PMP22: variants seen among roughly 807,000 people sequenced by gnomAD.
The protein encoded by PMP22 is peripheral myelin protein 22.
PMP22 carries 2 observed loss-of-function variants against 18.9 expected under a neutral mutation model. The observed-to-expected ratio is 0.11, with a 90% CI of 0.04 to 0.33. The LOEUF is 0.33. Among genes scored for constraint, PMP22 ranks in the 10% least tolerant of loss-of-function variants. The probability of loss-of-function intolerance (pLI) is 1.00; values close to 1 mark genes in which losing one functional copy is unlikely to be tolerated. For missense variants in PMP22, 169 were observed against 202.2 expected (o/e 0.84, Z 1.00); for synonymous variants, 95 against 89.2 (o/e 1.07, Z -0.37).
intron 1 of PMP22, among the ~76,000 whole-genome samples, chr17:15,262,750 C>A (rs1909447578): frequency 6.6e-6 from 1 of 152,210 alleles, no homozygotes; most frequent in South Asian, 2.1e-4. Flanking sequence ...AAAACCGCGG[C>A]GACTTTTACT....
chr17:15,230,717 A>C lies in PMP22; in HGVS notation c.*200T>G, dbSNP rs142106420. The C allele has an allele frequency of 8.9e-4, 537 of 604,210 alleles. 4 individuals are homozygous for C. The highest frequency in any genetic ancestry group is 2.6e-3 in the South Asian group (133 of 50,948). The allele number at this position is 604,210 out of a possible 1,614,324, so 37.4% of individuals were successfully genotyped here. On this transcript the variant is annotated 3_prime_UTR_variant, in exon 5 of 5. Coordinates refer to ENST00000312280, the MANE Select transcript of PMP22 (RefSeq NM_000304.4). ...ACAATACTATGTACATATATGTAAA[A>C]AGTGTTATAAATAGGTTTTATAAAC...
At chr17:15,260,445 C>G in intron 2 of PMP22, 1 of 634,118 alleles carries the variant, frequency 1.6e-6, no homozygotes, top group Non-Finnish European at 2.9e-6. Flanking sequence ...TAACCCAGCC[C>G]AGCGCTCGCT....
intron 3 of PMP22, among the ~76,000 whole-genome samples, chr17:15,243,275 T>C (rs1907508230): frequency 6.6e-6 from 1 of 152,104 alleles, no homozygotes; most frequent in East Asian, 1.9e-4. Context: ...TTTATTCAAG[T>C]ACATAAAAGA....
intron 4 of PMP22, among the ~76,000 whole-genome samples, chr17:15,233,509 T>G (rs1423173053): frequency 6.6e-6 from 1 of 151,944 alleles, no homozygotes; most frequent in Non-Finnish European, 1.5e-5. Flanking sequence ...TGCAACCCCA[T>G]GAGAGTGATT....
At position 15,240,904 on chromosome 17, in the gene PMP22, T is replaced by C. The variant is rs112624331; in HGVS notation, c.179-1293A>G. 3.8e-3 allele frequency among the ~76,000 whole-genome samples: 572 copies of C among 152,316 alleles called. 6 individuals are homozygous for C. The highest frequency in any genetic ancestry group is 0.013 in the African/African-American group (550 of 41,574). On this transcript the variant is annotated intron_variant, in intron 3 of 4. Transcript: ENST00000312280. ...AATTAGTAACTGAGTAAGATAAACT[T>C]GTTTTGAGTTGTAAGCAGCTCATGG...
rs765235223 is a variant in PMP22 at position 15,259,168 on chromosome 17, G to C, written c.104C>G (p.Ala35Gly). The C allele has an allele frequency of 6.2e-7, 1 of 1,613,656 alleles. No homozygotes were observed. The highest frequency in any genetic ancestry group is 1.1e-5 in the South Asian group (1 of 91,072). ...VSQWIVGNGHATDLWQNCSTS... is the reference protein window; with the variant it reads ...VSQWIVGNGHGTDLWQNCSTS... ...GCTACAGTTCTGCCAGAGATCAGTT[G>C]CGTGTCCATTGCCCACGATCCATTG... is the stretch of plus-strand genomic sequence containing the variant. Residue 35 changes from alanine (A) to glycine (G), a missense_variant, in exon 3 of 5, where the codon GCA (alanine) becomes GGA (glycine). By Grantham distance (60) the Ala-to-Gly change is moderately conservative (BLOSUM62 0). Coordinates refer to ENST00000312280, the MANE Select transcript of PMP22 (RefSeq NM_000304.4).
chr17:15,260,250 A>G (rs1567718859), intron 2 of PMP22: 1 of 284,096 alleles, frequency 3.5e-6, no homozygotes, highest in East Asian at 8.3e-5. Context: ...TCAAGTCCTA[A>G]AAGGGTGTTT....
At chr17:15,236,542 C>T (rs746482195) in intron 4 of PMP22, among the ~76,000 whole-genome samples, 1 of 152,210 alleles carries the variant, frequency 6.6e-6, no homozygotes, top group Non-Finnish European at 1.5e-5. Context: ...GATTTCACAT[C>T]CCATGAGTGT....
At chr17:15,244,636 T>C (rs1907633958) in intron 3 of PMP22, among the ~76,000 whole-genome samples, 1 of 151,818 alleles carries the variant, frequency 6.6e-6, no homozygotes, top group Non-Finnish European at 1.5e-5. Flanking sequence ...AAATGAAGAG[T>C]CTTTGAAAGG....
At chr17:15,239,022 A>C (rs1907055057) in intron 4 of PMP22, among the ~76,000 whole-genome samples, 1 of 152,200 alleles carries the variant, frequency 6.6e-6, no homozygotes, top group South Asian at 2.1e-4. Flanking sequence ...CTATTGGTGG[A>C]AGACACATAC....
At position 15,259,174 on chromosome 17, in the gene PMP22, C is replaced by G; in HGVS notation, c.98G>C (p.Gly33Ala). The stretch of plus-strand genomic sequence containing the variant: ...GTTCTGCCAGAGATCAGTTGCGTGT[C>G]CATTGCCCACGATCCATTGCTAGAG... ...TIVSQWIVGNGHATDLWQNCS... is the reference protein window; with the variant it reads ...TIVSQWIVGNAHATDLWQNCS... Residue 33 changes from glycine to alanine, a missense_variant, in exon 3 of 5, where the codon GGA (glycine) becomes GCA (alanine). By Grantham distance (60) the Gly-to-Ala change is moderately conservative (BLOSUM62 0). Coordinates refer to ENST00000312280, the MANE Select transcript of PMP22 (RefSeq NM_000304.4). 1 of 1,613,178 alleles carries G rather than the reference C, an allele frequency of 6.2e-7. No individual in the cohort carries two copies. The highest frequency in any genetic ancestry group is 8.5e-7 in the Non-Finnish European group (1 of 1,179,178).
At chr17:15,260,592 TG>T in intron 2 of PMP22, 57 bp downstream of exon 2, 1 of 1,394,158 alleles carries the variant, frequency 7.2e-7, no homozygotes, top group Non-Finnish European at 1.0e-6. Flanking sequence ...GAGCACGGGC[TG>T]GGAACCCAGA....
chr17:15,231,598 A>C (rs1401969515), intron 4 of PMP22, among the ~76,000 whole-genome samples: 1 of 152,240 alleles, frequency 6.6e-6, no homozygotes, highest in South Asian at 2.1e-4. Flanking sequence ...CCCCTAACAG[A>C]GTTGCCACAT....
rs1194223080 is a variant in PMP22, at chr17:15,252,944, G to A, written c.178+6150C>T. On this transcript the variant is annotated intron_variant, in intron 3 of 4. Coordinates refer to ENST00000312280, the MANE Select transcript of PMP22 (RefSeq NM_000304.4). ...AGTATTCTGACCCATTCTGCTACAC[G>A]TCAGGTCCACACAAATTAAACAAAA... 3.3e-5 allele frequency among the ~76,000 whole-genome samples: 5 copies of A among 152,276 alleles called. 1 individual carries two copies. Among genetic ancestry groups the A allele is most frequent in the South Asian group, 4.2e-4 (2 of 4,804 alleles).
chr17:15,258,910 A>C lies in PMP22; in HGVS notation c.178+184T>G. 1.5e-6 allele frequency: 1 copy of C among 664,290 alleles called. No homozygotes were observed. Among genetic ancestry groups the C allele is most frequent in the Admixed American group, 2.1e-5 (1 of 48,090 alleles). 41.1% of individuals were successfully genotyped at this position (664,290 alleles called of 1,614,324 possible). On this transcript the variant is annotated intron_variant, in intron 3 of 4. Transcript: ENST00000312280. The surrounding 1 kb of genome is among the most constrained non-coding windows in gnomAD (Gnocchi z 4.1). ...GAATCACAATGATGCCCAGGATCTC[A>C]GCTTCCCCAGCGAGATCACCACCCC...
intron 3 of PMP22, among the ~76,000 whole-genome samples, chr17:15,251,272 T>C (rs1908316824): frequency 6.6e-6 from 1 of 152,170 alleles, no homozygotes; most frequent in Non-Finnish European, 1.5e-5. Context: ...GACTTTCCAT[T>C]GGATCACCCT....
At chr17:15,232,128 G>GC (rs942220268) in intron 4 of PMP22, among the ~76,000 whole-genome samples, 1 of 151,594 alleles carries the variant, frequency 6.6e-6, no homozygotes, top group East Asian at 1.9e-4. Flanking sequence ...ATGCACCCGC[G>GC]CCCCCCCACC....
chr17:15,243,768 C>T (rs1346743175), intron 3 of PMP22, among the ~76,000 whole-genome samples: 6 of 146,776 alleles, frequency 4.1e-5, no homozygotes, highest in Admixed American at 3.4e-4. Context: ...TGTTCAAGTG[C>T]TTATATTATA....
chr17:15,244,796 G>A (rs1181179355), intron 3 of PMP22, among the ~76,000 whole-genome samples: 2 of 152,238 alleles, frequency 1.3e-5, no homozygotes, highest in Non-Finnish European at 2.9e-5. Context: ...ATTGATGTCA[G>A]TGGGTTCCCC....
Sources: gnomAD v4.1 joint callset for allele counts (sites outside exome capture counted in the v4.1 genomes callset) on GRCh38, gnomAD v4.1.1 for gene constraint, Gnocchi (gnomAD v3.1) non-coding constraint, MANE v1.5 for transcripts, NCBI Gene and HGNC (gene_info 2026-07-23, HGNC 2026-07-21) for gene names.